PRKCE: variants seen among roughly 807,000 people sequenced by gnomAD.
The protein encoded by PRKCE is protein kinase C epsilon type.
A neutral mutation model predicts 85.4 loss-of-function variants in PRKCE; 16 were observed. That is an observed-to-expected ratio of 0.19 (90% confidence interval 0.13 to 0.28). PRKCE has a LOEUF of 0.28. Among genes scored for constraint, PRKCE ranks in the 10% least tolerant of loss-of-function variants. The pLI is 1.00. For missense variants in PRKCE, 573 were observed against 975.2 expected (o/e 0.59, Z 5.49); for synonymous variants, 388 against 371.5 (o/e 1.04, Z -0.51).
At chr2:46,157,732 C>T (rs1052896633) in intron 13 of PRKCE, among the ~76,000 whole-genome samples, 2 of 152,196 alleles carry the variant, frequency 1.3e-5, no homozygotes, top group African/African-American at 4.8e-5. Context: ...GTATCCCTGA[C>T]CCTGATACTT....
intron 10 of PRKCE, among the ~76,000 whole-genome samples, chr2:46,045,666 G>A (rs1342999002): frequency 6.6e-6 from 1 of 152,116 alleles, no homozygotes; most frequent in Admixed American, 6.5e-5. Context: ...ATCACTTGGG[G>A]TCAGGAGTTC....
At chr2:46,076,693 T>C (rs567168428) in intron 10 of PRKCE, among the ~76,000 whole-genome samples, 1 of 152,100 alleles carries the variant, frequency 6.6e-6, no homozygotes, top group Admixed American at 6.6e-5. Flanking sequence ...AATTAAGGCT[T>C]TTCTCCAAAA....
chr2:45,926,473 T>A (rs952720020), intron 2 of PRKCE, among the ~76,000 whole-genome samples: 1 of 152,042 alleles, frequency 6.6e-6, no homozygotes, highest in Non-Finnish European at 1.5e-5. Context: ...GCGGTGATAG[T>A]GGTGATAAAG....
chr2:45,872,552 C>T (rs569034584), intron 2 of PRKCE, among the ~76,000 whole-genome samples: 24 of 152,304 alleles, frequency 1.6e-4, no homozygotes, highest in Admixed American at 1.4e-3. Context: ...TTAAGAGCCA[C>T]TGCCATGATC....
chr2:45,757,310 A>G (rs1684094096), intron 1 of PRKCE, among the ~76,000 whole-genome samples: 1 of 141,486 alleles, frequency 7.1e-6, no homozygotes, highest in South Asian at 2.2e-4. Context: ...GTCTCCAAAA[A>G]AAAAAAAAAA....
chr2:46,173,679 T>G (rs1445285086), intron 14 of PRKCE, among the ~76,000 whole-genome samples: 1 of 152,224 alleles, frequency 6.6e-6, no homozygotes, highest in Non-Finnish European at 1.5e-5. Context: ...TTTCAAAGCA[T>G]CATAACACAT....
intron 11 of PRKCE, among the ~76,000 whole-genome samples, chr2:46,121,727 C>A (rs1022477969): frequency 3.3e-5 from 5 of 152,192 alleles, no homozygotes; most frequent in African/African-American, 1.2e-4. Flanking sequence ...GAACTGACAA[C>A]AGACAGGTGT....
At chr2:45,903,899 G>GT (rs1696770586) in intron 2 of PRKCE, among the ~76,000 whole-genome samples, 3 of 82,576 alleles carry the variant, frequency 3.6e-5, no homozygotes, top group African/African-American at 7.7e-5. Flanking sequence ...TTGTTTGTTT[G>GT]TTTGTTTGTT....
At chr2:45,884,531 A>C (rs1032439165) in intron 2 of PRKCE, among the ~76,000 whole-genome samples, 1 of 152,146 alleles carries the variant, frequency 6.6e-6, no homozygotes, top group African/African-American at 2.4e-5. Flanking sequence ...CTGTGGCAGC[A>C]AGTGTCTTGT....
chr2:45,845,823 A>G (rs1691742050), intron 2 of PRKCE: 1 of 152,148 alleles, frequency 6.6e-6, no homozygotes, highest in Admixed American at 6.5e-5. Context: ...CAGCCATCCT[A>G]ACCCCAGATG....
intron 11 of PRKCE, among the ~76,000 whole-genome samples, chr2:46,143,173 A>G (rs1042353558): frequency 5.3e-5 from 8 of 152,158 alleles, no homozygotes; most frequent in South Asian, 2.1e-4. Context: ...GAGCTATGCA[A>G]TGGAACTGTT....
chr2:45,704,685 C>T (rs1171710179), intron 1 of PRKCE, among the ~76,000 whole-genome samples: 1 of 152,200 alleles, frequency 6.6e-6, no homozygotes, highest in East Asian at 1.9e-4. Context: ...TGCCTGTATG[C>T]TGCTGGCACA....
chr2:46,006,732 C>G (rs1401608303), intron 8 of PRKCE, among the ~76,000 whole-genome samples: 1 of 152,204 alleles, frequency 6.6e-6, no homozygotes, highest in Non-Finnish European at 1.5e-5. Flanking sequence ...TTATCTCCCC[C>G]AGGTAATTCA....
chr2:45,967,973 C>T (rs1701843797), intron 2 of PRKCE, among the ~76,000 whole-genome samples: 1 of 152,146 alleles, frequency 6.6e-6, no homozygotes, highest in African/African-American at 2.4e-5. Flanking sequence ...CACAGCACAC[C>T]TGCCTGGGGA....
At chr2:45,845,813 C>A (rs1573585271) in intron 2 of PRKCE, 1 of 152,244 alleles carries the variant, frequency 6.6e-6, no homozygotes, top group East Asian at 1.9e-4. Context: ...TTGGCTAAAC[C>A]AGCCATCCTA....
chr2:45,665,296 G>A (rs1486156332), intron 1 of PRKCE, among the ~76,000 whole-genome samples: 4 of 152,092 alleles, frequency 2.6e-5, no homozygotes, highest in African/African-American at 9.7e-5. Context: ...TCACCCAAGA[G>A]CAGGAGGTCT....
At position 46,062,844 on chromosome 2, in the gene PRKCE, G is replaced by A. The variant is rs566101331; in HGVS notation, c.1438-23364G>A. Among the ~76,000 whole-genome samples the A allele has an allele frequency of 2.2e-4, 33 of 152,076 alleles. 1 individual carries two copies. Among genetic ancestry groups the A allele is most frequent in the Admixed American group, 1.2e-3 (19 of 15,290 alleles). On this transcript the variant is annotated intron_variant, in intron 10 of 14. Transcript: ENST00000306156. ...TTGTTTCGCTATGTTGGCCAGGCTGGTCTCAAACTCCTGGGCTCAAGTGAT... is the reference window on the plus strand; with the variant it reads ...TTGTTTCGCTATGTTGGCCAGGCTGATCTCAAACTCCTGGGCTCAAGTGAT...
At chr2:46,154,854 T>G (rs12994495) in intron 13 of PRKCE, among the ~76,000 whole-genome samples, 10,029 of 152,126 alleles carry the variant, frequency 0.066, 346 homozygotes, top group Middle Eastern at 0.15. Context: ...TTATGTATTA[T>G]GTTTATTGTC....
rs1178182365 is a variant in PRKCE, at chr2:45,958,814, ATATTTTTTTTTTTTTTTTTT to A, written c.413-17613_413-17594del. On this transcript the variant is annotated intron_variant, in intron 2 of 14. Transcript: ENST00000306156. ...AACATATATATATATATATATATATATATTTTTTTTTTTTTTTTTTTTTTTTTTTTTTTTTTTTTTTAATA... is the reference window on the plus strand; with the variant it reads ...AACATATATATATATATATATATATATTTTTTTTTTTTTTTTTTTTTAATA... Among the ~76,000 whole-genome samples, 220 of 25,454 alleles carry A rather than the reference ATATTTTTTTTTTTTTTTTTT, an allele frequency of 8.6e-3. 4 individuals are homozygous for A. Among genetic ancestry groups the A allele is most frequent in the South Asian group, 0.085 (39 of 460 alleles). The allele number at this position is 25,454 out of a possible 152,430, so 16.7% of individuals were successfully genotyped here.
Sources: gnomAD v4.1 joint callset for allele counts (sites outside exome capture counted in the v4.1 genomes callset) on GRCh38, gnomAD v4.1.1 for gene constraint, MANE v1.5 for transcripts, NCBI Gene and HGNC (gene_info 2026-07-23, HGNC 2026-07-21) for gene names.